The following OSBPL6 variants were observed in gnomAD, a reference collection of about 807,000 sequenced individuals.
OSBPL6 encodes oxysterol-binding protein-related protein 6.
A neutral mutation model predicts 125.8 loss-of-function variants in OSBPL6; 49 were observed. The ratio of observed to expected loss-of-function variants is 0.39; its 90% CI spans 0.31 to 0.49. OSBPL6 has a LOEUF of 0.49. Among genes scored for constraint, OSBPL6 ranks in the 20% least tolerant of loss-of-function variants. The pLI is 0.88. For missense variants in OSBPL6, 986 were observed against 1,135.4 expected, an observed-to-expected ratio of 0.87 and a Z score of 1.89; for synonymous variants, 394 against 391.8, an observed-to-expected ratio of 1.01 and a Z score of -0.07.
At position 178,301,704 on chromosome 2, in the gene OSBPL6, G is replaced by A. The variant is rs112512193; in HGVS notation, c.-155-4326G>A. 1.2e-4 allele frequency among the ~76,000 whole-genome samples: 18 copies of A among 152,210 alleles called. No individual in the cohort carries two copies. In the East Asian group the frequency reaches 2.5e-3, roughly 21 times the overall value. On this transcript the variant is annotated intron_variant, in intron 2 of 24. Transcript: ENST00000190611. ...TTGACTCACCTAGGCCATGTGACTC[G>A]TTTTGGCCAATAAAACGTGAGTGAG...
At chr2:178,342,220 T>C (rs1368353253) in intron 11 of OSBPL6, among the ~76,000 whole-genome samples, 1 of 152,176 alleles carries the variant, frequency 6.6e-6, no homozygotes, top group African/African-American at 2.4e-5. Flanking sequence ...GTCCCCACTC[T>C]TCTTCGTAAC....
chr2:178,289,294 G>A (rs981441264), intron 2 of OSBPL6, among the ~76,000 whole-genome samples: 1 of 152,142 alleles, frequency 6.6e-6, no homozygotes, highest in Non-Finnish European at 1.5e-5. Flanking sequence ...GGGATTACAG[G>A]CGTGAGCTAC....
At chr2:178,253,898 G>A (rs1361481607) in intron 1 of OSBPL6, among the ~76,000 whole-genome samples, 2 of 152,148 alleles carry the variant, frequency 1.3e-5, no homozygotes, top group Non-Finnish European at 2.9e-5. Context: ...CCTCCTGAGT[G>A]GGTTAATGGA....
intron 3 of OSBPL6, among the ~76,000 whole-genome samples, 167 bp downstream of exon 3, chr2:178,306,453 C>T (rs369477073): frequency 6.2e-4 from 94 of 152,322 alleles, no homozygotes; most frequent in African/African-American, 2.2e-3. Context: ...GAAGCTCCCA[C>T]TCTTGCTTCT....
At chr2:178,237,179 C>G (rs2091088014) in intron 1 of OSBPL6, among the ~76,000 whole-genome samples, 1 of 152,166 alleles carries the variant, frequency 6.6e-6, no homozygotes, top group Non-Finnish European at 1.5e-5. Context: ...GTGAGGATTA[C>G]TTAATAATCC....
At chr2:178,250,992 T>A (rs543798167) in intron 1 of OSBPL6, among the ~76,000 whole-genome samples, 2 of 152,186 alleles carry the variant, frequency 1.3e-5, no homozygotes, top group Admixed American at 6.5e-5. Context: ...TGTAAACATA[T>A]TTTTCTGGTT....
At chr2:178,321,083 G>A (rs1360218025) in intron 3 of OSBPL6, among the ~76,000 whole-genome samples, 2 of 152,116 alleles carry the variant, frequency 1.3e-5, no homozygotes, top group South Asian at 2.1e-4. Context: ...CCCGGGAGGC[G>A]GAGGTTGTAG....
intron 8 of OSBPL6, 45 bp downstream of exon 8, chr2:178,333,086 A>T: frequency 1.2e-6 from 2 of 1,604,040 alleles, no homozygotes; most frequent in Non-Finnish European, 1.7e-6. Flanking sequence ...TTGCTTAGAA[A>T]ATTATGCAAA....
chr2:178,249,758 AG>A (rs2091623431), intron 1 of OSBPL6, among the ~76,000 whole-genome samples: 1 of 151,668 alleles, frequency 6.6e-6, no homozygotes, highest in African/African-American at 2.4e-5. Context: ...GTTGGCACCC[AG>A]AGACTGACTT....
chr2:178,378,937 A>T (rs1372174926), intron 15 of OSBPL6, among the ~76,000 whole-genome samples: 2 of 152,160 alleles, frequency 1.3e-5, no homozygotes, highest in African/African-American at 4.8e-5. Flanking sequence ...AGGCAGAGGC[A>T]GGATGATTGC....
At chr2:178,278,367 G>A (rs1306915471) in intron 1 of OSBPL6, among the ~76,000 whole-genome samples, 1 of 152,140 alleles carries the variant, frequency 6.6e-6, no homozygotes, top group Non-Finnish European at 1.5e-5. Context: ...GGTTTTTGTT[G>A]ATTGTTACAT....
intron 3 of OSBPL6, chr2:178,320,510 T>C (rs1688145708): frequency 4.3e-6 from 5 of 1,152,818 alleles, no homozygotes; most frequent in Non-Finnish European, 6.3e-6. Context: ...AGAAGAATAA[T>C]TAACTGGTTT....
chr2:178,378,143 G>A (rs562156660), intron 15 of OSBPL6, among the ~76,000 whole-genome samples: 54 of 152,112 alleles, frequency 3.6e-4, no homozygotes, highest in Admixed American at 1.3e-3. Flanking sequence ...CTGACCTTTT[G>A]TATCCCTCTT....
intron 11 of OSBPL6, among the ~76,000 whole-genome samples, chr2:178,346,090 T>C (rs1369544438): frequency 6.6e-6 from 1 of 152,184 alleles, no homozygotes; most frequent in African/African-American, 2.4e-5. Context: ...TATAGCTTTG[T>C]CTCCATACCA....
chr2:178,201,534 G>C (rs334109), intron 1 of OSBPL6, among the ~76,000 whole-genome samples: 32,560 of 151,994 alleles, frequency 0.21, 4,880 homozygotes, highest in African/African-American at 0.43. Context: ...GCCACAGCAC[G>C]CGGCAAGAGA....
intron 3 of OSBPL6, among the ~76,000 whole-genome samples, chr2:178,314,732 T>A (rs1173332589): frequency 1.3e-5 from 2 of 152,160 alleles, no homozygotes; most frequent in Non-Finnish European, 2.9e-5. Context: ...GCTGGAAGTG[T>A]CATCACTTTG....
At chr2:178,382,988 G>T (rs1270456814) in intron 16 of OSBPL6, 36 bp from the exon 17 acceptor site, 2 of 1,608,872 alleles carry the variant, frequency 1.2e-6, no homozygotes, top group Admixed American at 3.4e-5. Context: ...AATCAGAACA[G>T]CAAAGTGTCC....
chr2:178,326,764 A>G (rs1458556503), intron 4 of OSBPL6, among the ~76,000 whole-genome samples: 1 of 152,136 alleles, frequency 6.6e-6, no homozygotes, highest in African/African-American at 2.4e-5. Flanking sequence ...AATTGTGAGA[A>G]CTATAGTAGG....
chr2:178,338,888 T>C, intron 9 of OSBPL6, 103 bp from the exon 10 acceptor site: 1 of 713,916 alleles, frequency 1.4e-6, no homozygotes, highest in South Asian at 1.9e-5. Flanking sequence ...TAAACATGGA[T>C]CTGCCTACTT....
Sources: allele counts gnomAD v4.1 joint callset (sites outside exome capture counted in the v4.1 genomes callset), GRCh38; gene constraint gnomAD v4.1.1; transcripts MANE v1.5; gene names NCBI Gene and HGNC (gene_info 2026-07-23, HGNC 2026-07-21).